Variants in ZNF276 observed in about 807,000 individuals in gnomAD.
ZNF276 encodes the protein centromere protein Z.
Under a neutral mutation model 63.9 loss-of-function variants are expected in ZNF276, and 59 were observed. The ratio of observed to expected loss-of-function variants is 0.92; its 90% CI spans 0.75 to 1.15. The LOEUF is 1.15. ZNF276 is among the 50% of genes most tolerant of loss of function. The pLI is 0.00. For synonymous variants in ZNF276, 496 were observed against 348.4 expected (o/e 1.42, Z -4.72); for missense variants, 1,084 against 843.8 (o/e 1.28, Z -3.53).
Position 89,739,332 on chromosome 16 carries a change from A to T in ZNF276, c.*1086A>T, listed in dbSNP as rs778348461. The T allele has an allele frequency of 3.7e-6, 6 of 1,612,222 alleles. No homozygotes were observed. The South Asian group carries it at 6.6e-5, about 18-fold the overall frequency. On this transcript the variant is annotated 3_prime_UTR_variant, in exon 11 of 11. Transcript: ENST00000443381. ...GTGACAAATGGCTACAGACTGCTGGAAAGGTAGCAGGTGATGCCAAGGGAT... is the reference window on the plus strand; with the variant it reads ...GTGACAAATGGCTACAGACTGCTGGTAAGGTAGCAGGTGATGCCAAGGGAT...
At chr16:89,721,029 CG>C (rs1236411084), upstream of ZNF276, 1 of 614,678 alleles carries the variant, frequency 1.6e-6, no homozygotes, top group Non-Finnish European at 2.3e-6. Flanking sequence ...GCGGGCCCCA[CG>C]GGTGTTAGTG....
At chr16:89,721,012 G>T (rs2061252200), upstream of ZNF276, 2 of 726,422 alleles carry the variant, frequency 2.8e-6, no homozygotes, top group Non-Finnish European at 3.7e-6. Context: ...CCCCCTCCGC[G>T]CGTACTGCGG....
chr16:89,739,368 T>G lies in ZNF276; in HGVS notation c.*1122T>G. 1 of 1,590,278 alleles carries G rather than the reference T, an allele frequency of 6.3e-7. No individual in the cohort carries two copies. The highest frequency in any genetic ancestry group is 8.6e-7 in the Non-Finnish European group (1 of 1,162,386). On this transcript the variant is annotated 3_prime_UTR_variant, in exon 11 of 11. Transcript: ENST00000443381. ...GTGATGCCAAGGGATACTGCTCATC[T>G]GTGGAGCAGAGGCACAGACAACCCT...
In ZNF276 at chr16:89,733,331, AAGCCAAGAAGTCTGAAG is replaced by A. The variant is rs1165152002; in HGVS notation, c.1201_1217del (p.Ala401ThrfsTer20). ...TCTGGTAAGAAGAGTGAAAGCAAAG[AAGCCAAGAAGTCTGAAG>A]AACCAAGAATTCGGAAGAAGCCGGG... is the stretch of plus-strand genomic sequence containing the variant. On this transcript the variant is annotated frameshift_variant, in exon 7 of 11. Transcript: ENST00000443381. LOFTEE classifies it high-confidence loss of function. 6.2e-7 allele frequency: 1 copy of A among 1,614,156 alleles called. No individual in the cohort carries two copies. Among genetic ancestry groups the A allele is most frequent in the Non-Finnish European group, 8.5e-7 (1 of 1,180,044 alleles).
upstream of ZNF276, chr16:89,721,275 C>T (rs958153935): frequency 2.1e-5 from 5 of 236,770 alleles, no homozygotes; most frequent in Non-Finnish European, 3.2e-5. Context: ...CCGTCTCCCA[C>T]GGTAAGAGGC....
chr16:89,733,918 C>T lies in ZNF276; in HGVS notation c.1357-3C>T. 6.2e-7 allele frequency: 1 copy of T among 1,613,366 alleles called. No homozygotes were observed. The highest frequency in any genetic ancestry group is 2.2e-5 in the East Asian group (1 of 44,870). On this transcript the variant is annotated splice_polypyrimidine_tract_variant and splice_region_variant and intron_variant, in intron 8 of 10. Transcript: ENST00000443381. ...AGGGTCTCTCACCGAGTCTCTCCTT[C>T]AGAAGCACATCAAGGAGCACCACGA...
In ZNF276 at chr16:89,740,700, G is replaced by A. The variant is rs931106231; in HGVS notation, c.*2454G>A. The A allele has an allele frequency of 1.1e-6, 1 of 884,800 alleles. No individual in the cohort carries two copies. 54.8% of individuals were successfully genotyped at this position (884,800 alleles called of 1,614,324 possible). A position where few individuals can be genotyped will look rare whatever the true frequency, so the allele number is the denominator to read the frequency against. On this transcript the variant is annotated 3_prime_UTR_variant, in exon 11 of 11. Coordinates refer to ENST00000443381, the MANE Select transcript of ZNF276 (RefSeq NM_001113525.2). ...ACTCACACTTCCGCAAACACAAGGA[G>A]CTCCTGAGCTAGTCTGGAAACCCTG...
chr16:89,740,617 CAG>C lies in ZNF276; in HGVS notation c.*2374_*2375del, dbSNP rs1259076808. ...CACCACTGCACTCCAGCCTGGGTGA[CAG>C]AGTGAGACCCCCATCTCAAAAAAAA... On this transcript the variant is annotated 3_prime_UTR_variant, in exon 11 of 11. Coordinates refer to ENST00000443381, the MANE Select transcript of ZNF276 (RefSeq NM_001113525.2). 1.0e-5 allele frequency: 6 copies of C among 600,422 alleles called. No homozygotes were observed. Among genetic ancestry groups the C allele is most frequent in the Admixed American group, 3.1e-5 (1 of 32,286 alleles). 37.2% of individuals were successfully genotyped at this position (600,422 alleles called of 1,614,324 possible).
At chr16:89,730,938 G>C (rs1430861983) in intron 6 of ZNF276, among the ~76,000 whole-genome samples, 1 of 152,350 alleles carries the variant, frequency 6.6e-6, no homozygotes, top group East Asian at 1.9e-4. Flanking sequence ...CCGCCAGAGG[G>C]GAAGGCCAGG....
Position 89,739,705 on chromosome 16 carries a change from CCTGT to C in ZNF276, c.*1461_*1464del. 1 of 1,511,222 alleles carries C rather than the reference CCTGT, an allele frequency of 6.6e-7. No homozygotes were observed. The highest frequency in any genetic ancestry group is 8.9e-7 in the Non-Finnish European group (1 of 1,126,640). The allele number at this position is 1,511,222 out of a possible 1,614,324, so 93.6% of individuals were successfully genotyped here. On this transcript the variant is annotated 3_prime_UTR_variant, in exon 11 of 11. Coordinates refer to ENST00000443381, the MANE Select transcript of ZNF276 (RefSeq NM_001113525.2). ...AGCCTGAGCTGAGGATACCCAGGTA[CCTGT>C]CAGCAGCTGGGAGAGGATGGGGGGG...
In ZNF276 at chr16:89,723,079, C is replaced by G. The variant is rs919216917; in HGVS notation, c.510-58C>G. 3.1e-6 allele frequency: 5 copies of G among 1,612,314 alleles called. No individual in the cohort carries two copies. In the East Asian group the frequency reaches 1.1e-4, roughly 36 times the overall value. ...GAGATCTCGAGAGGGTCCCGTACGA[C>G]GAGCGCTGTGAACCTCCGCCTGCTT... On this transcript the variant is annotated intron_variant, in intron 2 of 10. Coordinates refer to ENST00000443381, the MANE Select transcript of ZNF276 (RefSeq NM_001113525.2).
At position 89,738,638 on chromosome 16, in the gene ZNF276, G is replaced by C; in HGVS notation, c.*392G>C. The C allele has an allele frequency of 4.3e-6, 7 of 1,613,692 alleles. No individual in the cohort carries two copies. The highest frequency in any genetic ancestry group is 5.9e-6 in the Non-Finnish European group (7 of 1,180,032). On this transcript the variant is annotated 3_prime_UTR_variant, in exon 11 of 11. Coordinates refer to ENST00000443381, the MANE Select transcript of ZNF276 (RefSeq NM_001113525.2). ...AGGCTCCTGGGACAGGTCAGCGTCA[G>C]GGGCAGCCTGCTGTCTGCTCTGGAG... is the stretch of plus-strand genomic sequence containing the variant.
chr16:89,727,157 A>G (rs1416884786), intron 4 of ZNF276, 122 bp from the exon 5 acceptor site: 1 of 1,028,704 alleles, frequency 9.7e-7, no homozygotes, highest in African/African-American at 1.6e-5. Context: ...TGGTGGGGAG[A>G]ACTTGAGGGT....
At chr16:89,721,014 G>C (rs915522909), upstream of ZNF276, 53 of 721,138 alleles carry the variant, frequency 7.3e-5, no homozygotes, top group Non-Finnish European at 9.4e-5. Context: ...CCCTCCGCGC[G>C]TACTGCGGGC....
rs924460592 is a variant in ZNF276 at position 89,723,627 on chromosome 16, C to A, written c.924C>A (p.Ala308=). The A allele has an allele frequency of 6.2e-7, 1 of 1,612,754 alleles. No homozygotes were observed. The highest frequency in any genetic ancestry group is 1.7e-5 in the Admixed American group (1 of 60,028). ...AGACCCTGCCCAGCACGGATGTGGC[C>A]CAGCCTCCTTCGGACAGCGACGCGG... ...ETKTLPSTDV[A]QPPSDSDAVG... Residue 308 remains alanine (A), a synonymous_variant, in exon 4 of 11, where the codon GCC becomes GCA. Coordinates refer to ENST00000443381, the MANE Select transcript of ZNF276 (RefSeq NM_001113525.2).
rs1346026396 is a variant in ZNF276, at chr16:89,738,273, A to G, written c.*27A>G. The G allele has an allele frequency of 6.4e-7, 1 of 1,569,266 alleles. No homozygotes were observed. The highest frequency in any genetic ancestry group is 1.2e-5 in the South Asian group (1 of 86,604). On this transcript the variant is annotated 3_prime_UTR_variant, in exon 11 of 11. Coordinates refer to ENST00000443381, the MANE Select transcript of ZNF276 (RefSeq NM_001113525.2). ...GACGGCAGTGAGGATGAGCACCTCTAGCAGCCTGGACTCCGCAGTGGCTGT... is the reference window on the plus strand; with the variant it reads ...GACGGCAGTGAGGATGAGCACCTCTGGCAGCCTGGACTCCGCAGTGGCTGT...
In ZNF276 at chr16:89,739,960, C is replaced by G. The variant is rs753556877; in HGVS notation, c.*1714C>G. 1 of 1,612,104 alleles carries G rather than the reference C, an allele frequency of 6.2e-7. No homozygotes were observed. Reference sequence around the variant, plus strand: ...CAAGATGCCTCTGAAAAGAGCGGCCCTCCGCATTTGTGCCTCAGCAGCGTG... The same window carrying G: ...CAAGATGCCTCTGAAAAGAGCGGCCGTCCGCATTTGTGCCTCAGCAGCGTG... On this transcript the variant is annotated 3_prime_UTR_variant, in exon 11 of 11. Coordinates refer to ENST00000443381, the MANE Select transcript of ZNF276 (RefSeq NM_001113525.2).
chr16:89,738,355 C>G lies in ZNF276; in HGVS notation c.*109C>G, dbSNP rs1301245072. On this transcript the variant is annotated 3_prime_UTR_variant, in exon 11 of 11. Transcript: ENST00000443381. ...GGAGGGTCGGAGGGTGCTGCCCGCC[C>G]TTGGTGCTGGAGGCGGGCTTGGTGT... is the stretch of plus-strand genomic sequence containing the variant. The G allele has an allele frequency of 1.4e-6, 2 of 1,470,940 alleles. No homozygotes were observed. Among genetic ancestry groups the G allele is most frequent in the Admixed American group, 2.1e-5 (1 of 47,020 alleles). 91.1% of individuals were successfully genotyped at this position (1,470,940 alleles called of 1,614,324 possible). A position where few individuals can be genotyped will look rare whatever the true frequency, so the allele number is the denominator to read the frequency against.
At position 89,740,338 on chromosome 16, in the gene ZNF276, C is replaced by T. The variant is rs1425258018; in HGVS notation, c.*2092C>T. 44 of 555,630 alleles carry T rather than the reference C, an allele frequency of 7.9e-5. No individual in the cohort carries two copies. In the Admixed American group the frequency reaches 1.1e-3, roughly 14 times the overall value. 34.4% of individuals were successfully genotyped at this position (555,630 alleles called of 1,614,324 possible). A position where few individuals can be genotyped will look rare whatever the true frequency, so the allele number is the denominator to read the frequency against. ...TGCTGCACCACGTCCTCAAATAAGA[C>T]ATTAAAAGAAAGGCCCACAGGCCGG... On this transcript the variant is annotated 3_prime_UTR_variant, in exon 11 of 11. Coordinates refer to ENST00000443381, the MANE Select transcript of ZNF276 (RefSeq NM_001113525.2).
Sources: allele counts gnomAD v4.1 joint callset (sites outside exome capture counted in the v4.1 genomes callset), GRCh38; gene constraint gnomAD v4.1.1; transcripts MANE v1.5; gene names NCBI Gene and HGNC (gene_info 2026-07-23, HGNC 2026-07-21).